Variants in MROH2A observed in about 807,000 individuals in gnomAD.
The protein encoded by MROH2A is maestro heat-like repeat-containing protein family member 2A.
Under a neutral mutation model 200.4 loss-of-function variants are expected in MROH2A, and 174 were observed. The ratio of observed to expected loss-of-function variants is 0.87; its 90% CI spans 0.77 to 0.98. The LOEUF (loss-of-function observed/expected upper bound fraction) is 0.98. MROH2A is among the 50% of genes least tolerant of loss of function. The pLI is 0.00. For synonymous variants in MROH2A, 829 were observed against 840.4 expected, an observed-to-expected ratio of 0.99 and a Z score of 0.23; for missense variants, 2,045 against 2,139.6, an observed-to-expected ratio of 0.96 and a Z score of 0.87.
At chr2:233,831,651 A>G (rs1353480298) in intron 39 of MROH2A, 111 bp downstream of exon 39, 1 of 1,214,492 alleles carries the variant, frequency 8.2e-7, no homozygotes, top group Non-Finnish European at 1.1e-6. Flanking sequence ...TTTACCTTCC[A>G]CACATGCCAT....
At chr2:233,822,794 G>T in intron 33 of MROH2A, 87 bp from the exon 34 acceptor site, 1 of 1,496,192 alleles carries the variant, frequency 6.7e-7, no homozygotes, top group Admixed American at 2.1e-5. Context: ...GGCAGGCACT[G>T]GGGCCCCACT....
Position 233,798,756 on chromosome 2 carries a change from C to G in MROH2A, c.1253-18C>G, listed in dbSNP as rs532702974. The G allele has an allele frequency of 3.2e-6, 5 of 1,547,684 alleles. No homozygotes were observed. In the East Asian group the frequency reaches 7.3e-5, roughly 23 times the overall value. ...CCTGAGCCACAGCCCTCCAGCCCAC[C>G]CAGTTTTCCTCTTTCAGAGCCCAGG... On this transcript the variant is annotated intron_variant, in intron 11 of 41. Transcript: ENST00000389758.
intron 38 of MROH2A, among the ~76,000 whole-genome samples, chr2:233,830,231 G>A (rs1704630769): frequency 6.6e-6 from 1 of 152,166 alleles, no homozygotes; most frequent in Admixed American, 6.5e-5. Context: ...CAGGAGGAGA[G>A]GGAGAGACAG....
chr2:233,805,102 T>G lies in MROH2A; in HGVS notation c.2043T>G (p.Ser681=). The G allele has an allele frequency of 6.5e-7, 1 of 1,548,994 alleles. No individual in the cohort carries two copies. Among genetic ancestry groups the G allele is most frequent in the South Asian group, 1.2e-5 (1 of 84,020 alleles). The change falls in exon 19 of 42, where the codon TCT becomes TCG. Residue 681 remains serine (S), a synonymous_variant. Coordinates refer to ENST00000389758, the MANE Select transcript of MROH2A (RefSeq NM_001394639.1). ...AGATTGCGAGCTTTGACAGCCCCTC[T>G]CTGGAGAAGGTTTGTCTTCATAGGG... The part of the protein sequence containing the change: ...NNQIASFDSP[S]LEKGFLYRAL...
intron 6 of MROH2A, 47 bp downstream of exon 6, chr2:233,792,941 G>T (rs148861203): frequency 6.5e-7 from 1 of 1,534,048 alleles, no homozygotes; most frequent in Admixed American, 2.0e-5. Context: ...TCAGGGCGCC[G>T]GAGGGAGACT....
intron 25 of MROH2A, 52 bp from the exon 26 acceptor site, chr2:233,814,530 G>T (rs774571719): frequency 3.8e-6 from 5 of 1,331,388 alleles, no homozygotes; most frequent in Non-Finnish European, 5.3e-6. Context: ...CAGGGAGGGG[G>T]GTTGTGGGTG....
At chr2:233,793,539 G>C in intron 6 of MROH2A, 134 bp from the exon 7 acceptor site, 1 of 760,552 alleles carries the variant, frequency 1.3e-6, no homozygotes, top group Non-Finnish European at 1.9e-6. Flanking sequence ...GCTGTGGGGG[G>C]TTGGAAGGGC....
intron 18 of MROH2A, among the ~76,000 whole-genome samples, 155 bp downstream of exon 18, chr2:233,804,702 T>C (rs892369893): frequency 6.6e-6 from 1 of 152,138 alleles, no homozygotes; most frequent in African/African-American, 2.4e-5. Flanking sequence ...ACAAAGTCTA[T>C]AGCTGTGTCC....
chr2:233,779,715 G>A lies in MROH2A; in HGVS notation c.139G>A (p.Glu47Lys), dbSNP rs763960649. ...GAACCTTCTGGACATCATTGACAGC[G>A]AGTCAGCAAAGACGGACACAACAGG... ...VVNLLDIIDS[E>K]SAKTDTTGAG... The change falls in exon 3 of 42, where the codon GAG (glutamate) becomes AAG (lysine). Residue 47 changes from glutamate to lysine, a missense_variant. Around this residue, in one of 3 missense-constraint regions of MROH2A, gnomAD observed 831 missense variants for 800.0 expected, o/e 1.04. Transcript: ENST00000389758. 31 of 1,551,066 alleles carry A rather than the reference G, an allele frequency of 2.0e-5. No homozygotes were observed. The highest frequency in any genetic ancestry group is 4.8e-5 in the South Asian group (4 of 84,066).
chr2:233,831,569 G>A (rs1196146595), intron 39 of MROH2A, 29 bp downstream of exon 39: 20 of 1,542,994 alleles, frequency 1.3e-5, no homozygotes, highest in African/African-American at 2.7e-5. Context: ...GAACCAGCCC[G>A]TCCCAGGTGG....
rs1158807783 is a variant in MROH2A, at chr2:233,820,342, C to CCCTTT, written c.3512+291_3512+295dup. On this transcript the variant is annotated intron_variant, in intron 31 of 41. Coordinates refer to ENST00000389758, the MANE Select transcript of MROH2A (RefSeq NM_001394639.1). The surrounding 1 kb of genome is among the most constrained non-coding windows in gnomAD (Gnocchi z 4.1). ...TGGAGTTCATTCTCTCCCAGAGTAG[C>CCCTTT]CCTTTCCTTCCCTGTGAACAGAGCT... is the stretch of plus-strand genomic sequence containing the variant. 6.6e-6 allele frequency among the ~76,000 whole-genome samples: 1 copy of CCCTTT among 152,030 alleles called. No homozygotes were observed. The highest frequency in any genetic ancestry group is 1.5e-5 in the Non-Finnish European group (1 of 68,024).
At chr2:233,811,282 G>C (rs1416846787) in intron 23 of MROH2A, among the ~76,000 whole-genome samples, 1 of 152,254 alleles carries the variant, frequency 6.6e-6, no homozygotes, top group Non-Finnish European at 1.5e-5. Flanking sequence ...GCAGGACTTA[G>C]AGTGAAGCCC....
At chr2:233,830,330 C>T (rs1393857602) in intron 38 of MROH2A, among the ~76,000 whole-genome samples, 1 of 152,184 alleles carries the variant, frequency 6.6e-6, no homozygotes. Flanking sequence ...TCACTCCCTG[C>T]ATGGCCCATG....
chr2:233,822,825 C>T, intron 33 of MROH2A, 56 bp from the exon 34 acceptor site: 1 of 1,539,532 alleles, frequency 6.5e-7, no homozygotes, highest in Non-Finnish European at 8.8e-7. Context: ...CAGCAGCCTC[C>T]CCAGGCCATG....
intron 3 of MROH2A, among the ~76,000 whole-genome samples, chr2:233,787,913 T>A (rs1342756082): frequency 2.9e-3 from 3 of 1,030 alleles, no homozygotes; most frequent in African/African-American, 7.4e-3. Context: ...ACATATATAT[T>A]ATATATATAC....
At chr2:233,808,581 G>A (rs1559464440) in intron 21 of MROH2A, among the ~76,000 whole-genome samples, 1 of 152,228 alleles carries the variant, frequency 6.6e-6, no homozygotes, top group Non-Finnish European at 1.5e-5. Flanking sequence ...CTGCAAAGAG[G>A]ACCCGACACC....
At position 233,811,883 on chromosome 2, in the gene MROH2A, G is replaced by T. The variant is rs1703179185; in HGVS notation, c.2575G>T (p.Val859Phe). 4 of 1,550,062 alleles carry T rather than the reference G, an allele frequency of 2.6e-6. No homozygotes were observed. Among genetic ancestry groups the T allele is most frequent in the Middle Eastern group, 1.7e-4 (1 of 5,992 alleles). The change falls in exon 24 of 42, where the codon GTC becomes TTC. Residue 859 changes from valine (V) to phenylalanine (F), a missense_variant. Val to Phe is a conservative substitution (Grantham distance 50). This residue lies in a region of MROH2A where 1,201 missense variants were observed against 1,311.3 expected (regional missense o/e 0.92). Coordinates refer to ENST00000389758, the MANE Select transcript of MROH2A (RefSeq NM_001394639.1). Reference protein sequence around the residue: ...KTTLTSIIVAVIKAEPTDNLV... With the variant: ...KTTLTSIIVAFIKAEPTDNLV... ...ACCCCCTGCTTGTGTTGGACAGGCG[G>T]TCATCAAGGCAGAACCGACTGACAA...
chr2:233,816,346 T>G (rs769650323), intron 26 of MROH2A, among the ~76,000 whole-genome samples: 1 of 152,246 alleles, frequency 6.6e-6, no homozygotes, highest in Non-Finnish European at 1.5e-5. Flanking sequence ...TTTTGCTTCA[T>G]GTATTATTTA....
Position 233,809,303 on chromosome 2 carries a change from G to A in MROH2A, c.2448+25G>A, listed in dbSNP as rs182125404. On this transcript the variant is annotated intron_variant, in intron 22 of 41. Transcript: ENST00000389758. ...GGTAGCCCCATCTGCTGCCTGGGGGGATGTCTTCTGGACCAGGCTGGTGGG... is the reference window on the plus strand; with the variant it reads ...GGTAGCCCCATCTGCTGCCTGGGGGAATGTCTTCTGGACCAGGCTGGTGGG... 66 of 1,546,634 alleles carry A rather than the reference G, an allele frequency of 4.3e-5. No individual in the cohort carries two copies. In the East Asian group the frequency reaches 1.5e-3, roughly 36 times the overall value.
Sources: allele counts gnomAD v4.1 joint callset (sites outside exome capture counted in the v4.1 genomes callset), GRCh38; gene constraint gnomAD v4.1.1; regional missense constraint gnomAD v4.1.1; non-coding constraint Gnocchi (gnomAD v3.1); transcripts MANE v1.5; gene names NCBI Gene and HGNC (gene_info 2026-07-23, HGNC 2026-07-21).